Variants in ZNF382 observed in about 807,000 individuals in gnomAD.
The protein encoded by ZNF382 is zinc finger protein 382.
Under a neutral mutation model 38.8 loss-of-function variants are expected in ZNF382, and 20 were observed. The observed-to-expected ratio is 0.51, with a 90% CI of 0.36 to 0.75. The LOEUF is 0.75. ZNF382 is among the 30% of genes least tolerant of loss of function. The probability of loss-of-function intolerance (pLI) is 0.00; values close to 1 mark genes in which losing one functional copy is unlikely to be tolerated. For missense variants in ZNF382, 546 were observed against 654.1 expected, an observed-to-expected ratio of 0.83 and a Z score of 1.80; for synonymous variants, 202 against 223.1, an observed-to-expected ratio of 0.91 and a Z score of 0.84.
rs140710115 is a variant in ZNF382, at chr19:36,626,455, T to C, written c.558T>C (p.His186=). 11 of 1,605,774 alleles carry C rather than the reference T, an allele frequency of 6.9e-6. No individual in the cohort carries two copies. The African/African-American group carries it at 1.2e-4, about 18-fold the overall frequency. The change falls in exon 5 of 5, where the codon CAT becomes CAC. Residue 186 remains histidine, a synonymous_variant. Coordinates refer to ENST00000292928, the MANE Select transcript of ZNF382 (RefSeq NM_032825.5). ...AAATTCATCCTGCAGTGAATCTCCA[T>C]AAACAAACAGAAAGAGTTCTCAGTG... The part of the protein sequence containing the change: ...HEKIHPAVNL[H]KQTERVLSGK...
At position 36,628,026 on chromosome 19, in the gene ZNF382, A is replaced by G. The variant is rs2037229275; in HGVS notation, c.*476A>G. The G allele has an allele frequency of 6.4e-6, 1 of 156,456 alleles. No homozygotes were observed. Among genetic ancestry groups the G allele is most frequent in the African/African-American group, 2.4e-5 (1 of 41,442 alleles). The allele number at this position is 156,456 out of a possible 1,614,324, so 9.7% of individuals were successfully genotyped here. On this transcript the variant is annotated 3_prime_UTR_variant, in exon 5 of 5. Coordinates refer to ENST00000292928, the MANE Select transcript of ZNF382 (RefSeq NM_032825.5). ...CATGATTCTGACTTCTAACATTACA[A>G]ATTAGTTTTTACTATTATAAACCTT...
chr19:36,621,324 G>GTTTTTTTTTTTTTT (rs10557413), intron 4 of ZNF382, among the ~76,000 whole-genome samples: 5 of 104,490 alleles, frequency 4.8e-5, no homozygotes, highest in Admixed American at 1.0e-4. Flanking sequence ...TTTTTCCCTA[G>GTTTTTTTTTTTTTT]TTTTTTTTTT....
chr19:36,633,805 C>T lies in ZNF382; in HGVS notation c.*6255C>T, dbSNP rs1476640446. The T allele has an allele frequency of 1.3e-5, 2 of 152,090 alleles. No homozygotes were observed. Among genetic ancestry groups the T allele is most frequent in the African/African-American group, 4.8e-5 (2 of 41,388 alleles). 9.4% of individuals were successfully genotyped at this position (152,090 alleles called of 1,614,324 possible). Reference sequence around the variant, plus strand: ...ATAGATGAACCTCAAATGCATTACGCTAAAGGAAAGAACCCAGTCCCAAAA... The same window carrying T: ...ATAGATGAACCTCAAATGCATTACGTTAAAGGAAAGAACCCAGTCCCAAAA... On this transcript the variant is annotated 3_prime_UTR_variant, in exon 5 of 5. Transcript: ENST00000292928.
At chr19:36,622,320 C>T (rs1381349297) in intron 4 of ZNF382, among the ~76,000 whole-genome samples, 7 of 152,060 alleles carry the variant, frequency 4.6e-5, no homozygotes, top group East Asian at 3.9e-4. Flanking sequence ...CGGTGGCACC[C>T]GGCCAGGTTT....
intron 4 of ZNF382, among the ~76,000 whole-genome samples, chr19:36,614,219 A>G (rs893311120): frequency 1.3e-5 from 2 of 152,184 alleles, no homozygotes; most frequent in Admixed American, 1.3e-4. Context: ...ACATGCCTGT[A>G]GTCCCAGCTA....
chr19:36,611,324 C>T (rs1432450415), intron 4 of ZNF382, among the ~76,000 whole-genome samples: 1 of 151,902 alleles, frequency 6.6e-6, no homozygotes, highest in Admixed American at 6.6e-5. Flanking sequence ...TTCCCTTTAT[C>T]CCTACTCCCT....
chr19:36,608,635 AT>A (rs1275414857), intron 2 of ZNF382: 1 of 152,148 alleles, frequency 6.6e-6, no homozygotes, highest in Non-Finnish European at 1.5e-5. Context: ...ACTTAGTGTG[AT>A]TCTAGTGACT....
Position 36,626,376 on chromosome 19 carries a change from A to T in ZNF382, c.479A>T (p.Lys160Met). ...AGAAATATAAGCCCCATAAAAGAGAAGTTTGGTGACAGTACTGGATGGGAG... is the reference window on the plus strand; with the variant it reads ...AGAAATATAAGCCCCATAAAAGAGATGTTTGGTGACAGTACTGGATGGGAG... ...VIRNISPIKE[K>M]FGDSTGWEKS... The change falls in exon 5 of 5, where the codon AAG becomes ATG. Residue 160 changes from lysine (K) to methionine (M), a missense_variant. Lys to Met is a moderately conservative substitution (Grantham distance 95). Coordinates refer to ENST00000292928, the MANE Select transcript of ZNF382 (RefSeq NM_032825.5). 1 of 1,579,828 alleles carries T rather than the reference A, an allele frequency of 6.3e-7. No homozygotes were observed. The highest frequency in any genetic ancestry group is 8.6e-7 in the Non-Finnish European group (1 of 1,168,910).
At chr19:36,610,090 C>T in intron 3 of ZNF382, 37 bp downstream of exon 3, 2 of 1,605,030 alleles carry the variant, frequency 1.2e-6, no homozygotes, top group Non-Finnish European at 1.7e-6. Context: ...TGTCATGCAT[C>T]TCCTTCTAAG....
chr19:36,617,381 T>C (rs1255819273), intron 4 of ZNF382, among the ~76,000 whole-genome samples: 1 of 152,154 alleles, frequency 6.6e-6, no homozygotes, highest in African/African-American at 2.4e-5. Flanking sequence ...CAAAATGTTG[T>C]ACCAGCTTCA....
rs1298420774 is a variant in ZNF382, at chr19:36,631,080, C to T, written c.*3530C>T. On this transcript the variant is annotated 3_prime_UTR_variant, in exon 5 of 5. Coordinates refer to ENST00000292928, the MANE Select transcript of ZNF382 (RefSeq NM_032825.5). ...GGTTACAGGTGTGAGCCACTTCACT[C>T]ACTTTAGAGATTTTCACTTTATGAA... 5.3e-5 allele frequency: 8 copies of T among 151,930 alleles called. No homozygotes were observed. Among genetic ancestry groups the T allele is most frequent in the African/African-American group, 1.9e-4 (8 of 41,344 alleles). 9.4% of individuals were successfully genotyped at this position (151,930 alleles called of 1,614,324 possible).
chr19:36,627,045 C>T lies in ZNF382; in HGVS notation c.1148C>T (p.Pro383Leu), dbSNP rs766307873. The T allele has an allele frequency of 3.1e-6, 5 of 1,613,614 alleles. No individual in the cohort carries two copies. Among genetic ancestry groups the T allele is most frequent in the African/African-American group, 1.3e-5 (1 of 74,822 alleles). Residue 383 changes from proline to leucine, a missense_variant, in exon 5 of 5, where the codon CCT becomes CTT. Transcript: ENST00000292928. ...ACGGGGGAGAAAGCCTATGAATGTCCTCAGTGTGGAAGTGCCTTTAGGAAG... is the reference window on the plus strand; with the variant it reads ...ACGGGGGAGAAAGCCTATGAATGTCTTCAGTGTGGAAGTGCCTTTAGGAAG... ...THTGEKAYEC[P>L]QCGSAFRKKS...
chr19:36,607,036 C>T (rs983734840), intron 1 of ZNF382, among the ~76,000 whole-genome samples: 2 of 147,310 alleles, frequency 1.4e-5, no homozygotes, highest in African/African-American at 5.0e-5. Context: ...AAGATTGTAC[C>T]ATTGCACTCC....
At position 36,631,670 on chromosome 19, in the gene ZNF382, G is replaced by T. The variant is rs1232219574; in HGVS notation, c.*4120G>T. On this transcript the variant is annotated 3_prime_UTR_variant, in exon 5 of 5. Transcript: ENST00000292928. ...CAAAGTGCTGGGATTACAGGTGTGAGCCACCATGCCTGGCTGGTACTATAA... is the reference window on the plus strand; with the variant it reads ...CAAAGTGCTGGGATTACAGGTGTGATCCACCATGCCTGGCTGGTACTATAA... The T allele has an allele frequency of 6.6e-6, 1 of 152,218 alleles. No homozygotes were observed. Among genetic ancestry groups the T allele is most frequent in the East Asian group, 1.9e-4 (1 of 5,172 alleles). 9.4% of individuals were successfully genotyped at this position (152,218 alleles called of 1,614,324 possible). A position where few individuals can be genotyped will look rare whatever the true frequency, so the allele number is the denominator to read the frequency against.
chr19:36,627,096 G>T lies in ZNF382; in HGVS notation c.1199G>T (p.Arg400Ile), dbSNP rs4439880. The change falls in exon 5 of 5, where the codon AGA (arginine) becomes ATA (isoleucine). Residue 400 changes from arginine (R) to isoleucine (I), a missense_variant. By Grantham distance (97) the Arg-to-Ile change is moderately conservative. Coordinates refer to ENST00000292928, the MANE Select transcript of ZNF382 (RefSeq NM_032825.5). ...RKKSYLIDHQRTHTGEKPYQC... is the reference protein window; with the variant it reads ...RKKSYLIDHQITHTGEKPYQC... ...AAGTCATACCTCATTGATCACCAGAGAACTCACACAGGAGAGAAACCGTAT... is the reference window on the plus strand; with the variant it reads ...AAGTCATACCTCATTGATCACCAGATAACTCACACAGGAGAGAAACCGTAT... 6.2e-7 allele frequency: 1 copy of T among 1,613,822 alleles called. No homozygotes were observed. Among genetic ancestry groups the T allele is most frequent in the African/African-American group, 1.3e-5 (1 of 74,828 alleles).
At position 36,626,158 on chromosome 19, in the gene ZNF382, A is replaced by AG; in HGVS notation, c.262dup (p.Val88GlyfsTer12). ...AAGATGGGAAAACTGAAGATGTCTT[A>AG]GTGAAGTTCAAAGAATACCAAGACA... On this transcript the variant is annotated frameshift_variant, in exon 5 of 5. Coordinates refer to ENST00000292928, the MANE Select transcript of ZNF382 (RefSeq NM_032825.5). LOFTEE classifies it low-confidence loss of function (END_TRUNC). 1 of 1,559,110 alleles carries AG rather than the reference A, an allele frequency of 6.4e-7. No homozygotes were observed. The highest frequency in any genetic ancestry group is 8.6e-7 in the Non-Finnish European group (1 of 1,160,174).
Position 36,626,267 on chromosome 19 carries a change from G to C in ZNF382, c.370G>C (p.Gly124Arg), listed in dbSNP as rs1303296612. 1.2e-6 allele frequency: 2 copies of C among 1,604,160 alleles called. No individual in the cohort carries two copies. The highest frequency in any genetic ancestry group is 1.7e-6 in the Non-Finnish European group (2 of 1,177,648). Residue 124 changes from glycine to arginine, a missense_variant, in exon 5 of 5, where the codon GGC becomes CGC. Physicochemically the swap from Gly to Arg is moderately radical, Grantham distance 125. Transcript: ENST00000292928. ...SNIYGKTFTLGKNRISKTILC... is the reference protein window; with the variant it reads ...SNIYGKTFTLRKNRISKTILC... ...TATTTATGGTAAAACATTTACTCTA[G>C]GCAAGAACCGTATTTCAAAAACAAT...
chr19:36,617,954 C>T (rs2037138546), intron 4 of ZNF382, among the ~76,000 whole-genome samples: 1 of 152,058 alleles, frequency 6.6e-6, no homozygotes, highest in East Asian at 1.9e-4. Context: ...TCCTGGGATG[C>T]AGTCTTTACT....
At chr19:36,609,487 C>CA (rs1289193607) in intron 2 of ZNF382, 1 of 153,654 alleles carries the variant, frequency 6.5e-6, no homozygotes, top group Non-Finnish European at 1.5e-5. Flanking sequence ...TGTATTCCTA[C>CA]AAAACAAATT....
Sources: allele counts gnomAD v4.1 joint callset (sites outside exome capture counted in the v4.1 genomes callset), GRCh38; gene constraint gnomAD v4.1.1; transcripts MANE v1.5; gene names NCBI Gene and HGNC (gene_info 2026-07-23, HGNC 2026-07-21).